Variants in KIAA1549 observed in about 807,000 individuals in gnomAD.
KIAA1549 encodes KIAA1549.
In KIAA1549, 70 loss-of-function variants were observed where a neutral mutation model predicts 156.4. That is an observed-to-expected ratio of 0.45 (90% CI 0.37 to 0.55). The LOEUF is 0.55. Among genes scored for constraint, KIAA1549 ranks in the 20% least tolerant of loss-of-function variants. The pLI is 0.00. For missense variants in KIAA1549, 2,428 were observed against 2,540.9 expected, an observed-to-expected ratio of 0.96 and a Z score of 0.96; for synonymous variants, 1,103 against 1,066.4, an observed-to-expected ratio of 1.03 and a Z score of -0.67.
chr7:138,895,417 T>C (rs1426067327), intron 9 of KIAA1549, among the ~76,000 whole-genome samples: 1 of 152,160 alleles, frequency 6.6e-6, no homozygotes, highest in African/African-American at 2.4e-5. Flanking sequence ...CAAAATGTAG[T>C]ATAGCCATAC....
intron 12 of KIAA1549, 42 bp from the exon 13 acceptor site, chr7:138,871,404 T>C (rs1049524456): frequency 1.4e-6 from 2 of 1,465,822 alleles, no homozygotes; most frequent in Admixed American, 2.5e-5. Flanking sequence ...CGAAGTCATC[T>C]AAAGAAACAG....
chr7:138,906,141 G>A (rs1812000028), intron 6 of KIAA1549, among the ~76,000 whole-genome samples: 1 of 152,178 alleles, frequency 6.6e-6, no homozygotes, highest in East Asian at 1.9e-4. Context: ...CCTGAATCCA[G>A]TTTTATCAGA....
At chr7:138,896,385 A>G (rs1160185017) in intron 9 of KIAA1549, among the ~76,000 whole-genome samples, 1 of 152,214 alleles carries the variant, frequency 6.6e-6, no homozygotes, top group Non-Finnish European at 1.5e-5. Context: ...TGCACCAGGG[A>G]AAAAAGCACA....
chr7:138,955,980 A>C (rs1584782729), intron 1 of KIAA1549, among the ~76,000 whole-genome samples: 1 of 151,976 alleles, frequency 6.6e-6, no homozygotes, highest in Non-Finnish European at 1.5e-5. Flanking sequence ...TGCAACCTCC[A>C]CCTCCTGAGT....
chr7:138,916,309 G>A (rs1812318846), intron 2 of KIAA1549, among the ~76,000 whole-genome samples: 2 of 152,196 alleles, frequency 1.3e-5, no homozygotes, highest in South Asian at 4.1e-4. Flanking sequence ...TTTAAACTAT[G>A]TCATCCATGC....
At chr7:138,961,276 A>G (rs1361938213) in intron 1 of KIAA1549, among the ~76,000 whole-genome samples, 1 of 152,244 alleles carries the variant, frequency 6.6e-6, no homozygotes, top group East Asian at 1.9e-4. Context: ...GCTCCATGCC[A>G]GGAGATCTTG....
chr7:138,926,074 C>G (rs907296870), intron 1 of KIAA1549, among the ~76,000 whole-genome samples: 4 of 152,068 alleles, frequency 2.6e-5, no homozygotes, highest in African/African-American at 9.7e-5. Flanking sequence ...CTCTAAAGAG[C>G]TTTCATCCAG....
rs367742461 is a variant in KIAA1549, at chr7:138,837,984, G to A, written c.5775C>T (p.Ala1925=). 25 of 1,613,426 alleles carry A rather than the reference G, an allele frequency of 1.5e-5. No homozygotes were observed. Among genetic ancestry groups the A allele is most frequent in the Admixed American group, 5.0e-5 (3 of 59,972 alleles). Residue 1925 remains alanine (A), a synonymous_variant, in exon 20 of 20, where the codon GCC becomes GCT. Transcript: ENST00000422774. The stretch of plus-strand genomic sequence containing the variant: ...CCTCGCGGATTGCTTTGATGAGAGA[G>A]GCCGAGGAGTGGCCAGGCTGGAGGT... ...TEDLQPGHSS[A]SLIKAIREEL...
At chr7:138,968,693 A>T (rs1229672509) in intron 1 of KIAA1549, among the ~76,000 whole-genome samples, 1 of 150,982 alleles carries the variant, frequency 6.6e-6, no homozygotes, top group Non-Finnish European at 1.5e-5. Flanking sequence ...TAAAAATACA[A>T]AATAATAATA....
At chr7:138,921,078 C>T (rs906308572) in intron 1 of KIAA1549, among the ~76,000 whole-genome samples, 3 of 152,088 alleles carry the variant, frequency 2.0e-5, no homozygotes, top group African/African-American at 4.8e-5. Flanking sequence ...TAGGCCACAA[C>T]GGAGATGAGG....
Position 138,968,475 on chromosome 7 carries a change from ACAAAC to A in KIAA1549, c.187+12603_187+12607del, listed in dbSNP as rs532887696. Among the ~76,000 whole-genome samples the A allele has an allele frequency of 3.2e-3, 483 of 152,340 alleles. 4 individuals carry two copies. Among genetic ancestry groups the A allele is most frequent in the African/African-American group, 0.011 (457 of 41,572 alleles). ...CAGCGATATATATTTTTAAACGGAA[ACAAAC>A]TAGAGGTCAGATAGTCAACAGAGCT... On this transcript the variant is annotated intron_variant, in intron 1 of 19. Transcript: ENST00000422774.
rs1584717833 is a variant in KIAA1549 at position 138,869,773 on chromosome 7, T to G, written c.4552-12A>C. On this transcript the variant is annotated splice_polypyrimidine_tract_variant and intron_variant, in intron 13 of 19. Coordinates refer to ENST00000422774, the MANE Select transcript of KIAA1549 (RefSeq NM_001164665.2). The stretch of plus-strand genomic sequence containing the variant: ...AGCGCGGTCTGAATCTGAGGAAGGG[T>G]GAGGGAGAGAAAGACAGCCATAGAG... 1 of 1,600,448 alleles carries G rather than the reference T, an allele frequency of 6.2e-7. No homozygotes were observed. The highest frequency in any genetic ancestry group is 8.5e-7 in the Non-Finnish European group (1 of 1,174,286).
At chr7:138,970,413 G>A (rs1178631383) in intron 1 of KIAA1549, among the ~76,000 whole-genome samples, 1 of 152,176 alleles carries the variant, frequency 6.6e-6, no homozygotes, top group African/African-American at 2.4e-5. Context: ...GCTCAGCTCC[G>A]AACCCGCTAC....
rs979772665 is a variant in KIAA1549, at chr7:138,833,772, C to A, written c.*4134G>T. 1.7e-5 allele frequency: 4 copies of A among 233,054 alleles called. No homozygotes were observed. Among genetic ancestry groups the A allele is most frequent in the African/African-American group, 6.6e-5 (3 of 45,332 alleles). The allele number at this position is 233,054 out of a possible 1,614,324, so 14.4% of individuals were successfully genotyped here. ...CTGCTCTAAACAATGACCTCAGTGT[C>A]ATTCTCATCATTTTCGTCCTCTTCC... On this transcript the variant is annotated 3_prime_UTR_variant, in exon 20 of 20. Coordinates refer to ENST00000422774, the MANE Select transcript of KIAA1549 (RefSeq NM_001164665.2).
At chr7:138,963,351 G>C (rs990392777) in intron 1 of KIAA1549, among the ~76,000 whole-genome samples, 1 of 152,210 alleles carries the variant, frequency 6.6e-6, no homozygotes, top group Non-Finnish European at 1.5e-5. Context: ...CTGAGATTTG[G>C]AAACTTTCCA....
intron 1 of KIAA1549, among the ~76,000 whole-genome samples, chr7:138,946,224 T>C (rs1311187039): frequency 6.6e-6 from 1 of 152,232 alleles, no homozygotes; most frequent in Non-Finnish European, 1.5e-5. Flanking sequence ...TCTCTGCTTT[T>C]AAACACTGGT....
At position 138,942,178 on chromosome 7, in the gene KIAA1549, C is replaced by T. The variant is rs990933437; in HGVS notation, c.188-22740G>A. ...CCCGGATCTATCCGCTGCCAAAACC[C>T]CTTGCTCTGGGCACAGCACCACACT... On this transcript the variant is annotated intron_variant, in intron 1 of 19. Coordinates refer to ENST00000422774, the MANE Select transcript of KIAA1549 (RefSeq NM_001164665.2). Among the ~76,000 whole-genome samples, 8 of 152,240 alleles carry T rather than the reference C, an allele frequency of 5.3e-5. No individual in the cohort carries two copies. The East Asian group carries it at 1.3e-3, about 26-fold the overall frequency.
Position 138,972,965 on chromosome 7 carries a change from G to A in KIAA1549, c.187+8118C>T, listed in dbSNP as rs139530298. Among the ~76,000 whole-genome samples, 8 of 152,184 alleles carry A rather than the reference G, an allele frequency of 5.3e-5. No homozygotes were observed. The East Asian group carries it at 1.5e-3, about 29-fold the overall frequency. ...GCCCCCCGAATAGCTAGGATTGCAG[G>A]CACCCGCCACCACACCTGGCTAATT... On this transcript the variant is annotated intron_variant, in intron 1 of 19. Coordinates refer to ENST00000422774, the MANE Select transcript of KIAA1549 (RefSeq NM_001164665.2).
At position 138,847,488 on chromosome 7, in the gene KIAA1549, G is replaced by C. The variant is rs543015741; in HGVS notation, c.5295-3014C>G. Among the ~76,000 whole-genome samples the C allele has an allele frequency of 1.8e-4, 27 of 152,284 alleles. No homozygotes were observed. In the South Asian group the frequency reaches 2.5e-3, roughly 14 times the overall value. On this transcript the variant is annotated intron_variant, in intron 17 of 19. Transcript: ENST00000422774. ...GGAAGCAGATAACATTCCTACTTGG[G>C]TGTGACTTCTGGTCACTGAAGGGAT...
Sources: gnomAD v4.1 joint callset for allele counts (sites outside exome capture counted in the v4.1 genomes callset) on GRCh38, gnomAD v4.1.1 for gene constraint, MANE v1.5 for transcripts, NCBI Gene and HGNC (gene_info 2026-07-23, HGNC 2026-07-21) for gene names.